Variants in ERBIN observed in about 807,000 individuals in gnomAD.
ERBIN encodes densin-180-like protein.
In ERBIN, 60 loss-of-function variants were observed where a neutral mutation model predicts 158.4. The ratio of observed to expected loss-of-function variants is 0.38; its 90% CI spans 0.31 to 0.47. The LOEUF (loss-of-function observed/expected upper bound fraction) is 0.47. Among genes scored for constraint, ERBIN ranks in the 20% least tolerant of loss-of-function variants. The pLI is 0.99. For missense variants in ERBIN, 1,610 were observed against 1,648.0 expected, an observed-to-expected ratio of 0.98 and a Z score of 0.40; for synonymous variants, 594 against 557.2, an observed-to-expected ratio of 1.07 and a Z score of -0.93.
chr5:66,049,634 G>A (rs1188972413), intron 19 of ERBIN, among the ~76,000 whole-genome samples: 2 of 152,076 alleles, frequency 1.3e-5, no homozygotes, highest in Non-Finnish European at 2.9e-5. Flanking sequence ...CAAAGTTAGA[G>A]TCCATTTGCT....
chr5:66,034,997 G>A (rs16894757), intron 14 of ERBIN, among the ~76,000 whole-genome samples: 4,657 of 152,224 alleles, frequency 0.031, 275 homozygotes, highest in Admixed American at 0.15. Context: ...TGATCAGCAA[G>A]TACTGTGAGT....
Position 66,078,570 on chromosome 5 carries a change from A to G in ERBIN, c.*40A>G. On this transcript the variant is annotated 3_prime_UTR_variant, in exon 26 of 26. Transcript: ENST00000284037. ...AAAAGCGGGGAAGACAGCAAGATTT[A>G]TTGGAAGATACTTACAGGGGAAATT... The G allele has an allele frequency of 8.6e-7, 1 of 1,161,184 alleles. No individual in the cohort carries two copies. The allele number at this position is 1,161,184 out of a possible 1,614,324, so 71.9% of individuals were successfully genotyped here.
At chr5:65,977,202 C>A (rs867627146) in intron 1 of ERBIN, among the ~76,000 whole-genome samples, 1 of 144,244 alleles carries the variant, frequency 6.9e-6, no homozygotes, top group Non-Finnish European at 1.5e-5. Context: ...GGGCTGACCC[C>A]CCCCCACCTC....
chr5:65,995,580 A>G (rs547797841), intron 4 of ERBIN, among the ~76,000 whole-genome samples: 2 of 152,182 alleles, frequency 1.3e-5, no homozygotes, highest in Non-Finnish European at 2.9e-5. Flanking sequence ...TAGTGCTGTA[A>G]TGAACATGGG....
intron 10 of ERBIN, chr5:66,025,267 A>G: frequency 1.9e-6 from 1 of 537,774 alleles, no homozygotes; most frequent in Non-Finnish European, 3.3e-6. Flanking sequence ...TAATAAACAA[A>G]TGTACACTAT....
At chr5:65,948,628 C>T (rs952104196) in intron 1 of ERBIN, among the ~76,000 whole-genome samples, 20 of 151,954 alleles carry the variant, frequency 1.3e-4, no homozygotes, top group Admixed American at 2.0e-4. Flanking sequence ...TAGACATAGC[C>T]ATTTATGGAA....
chr5:65,940,091 T>G (rs1744655140), intron 1 of ERBIN, among the ~76,000 whole-genome samples: 2 of 146,750 alleles, frequency 1.4e-5, no homozygotes, highest in African/African-American at 5.0e-5. Context: ...CCATCCCATC[T>G]AGGAAGTGAG....
At chr5:65,963,792 C>CTTT (rs5868429) in intron 1 of ERBIN, among the ~76,000 whole-genome samples, 3 of 122,974 alleles carry the variant, frequency 2.4e-5, no homozygotes, top group Non-Finnish European at 5.4e-5. Context: ...TCTTTCTTTT[C>CTTT]TTTTTTTTTT....
chr5:65,964,898 C>T (rs1748362864), intron 1 of ERBIN, among the ~76,000 whole-genome samples: 2 of 143,948 alleles, frequency 1.4e-5, no homozygotes, highest in Admixed American at 1.4e-4. Flanking sequence ...GGCCACCACG[C>T]CTGGCTGATT....
chr5:66,008,061 A>T (rs1341392496), intron 4 of ERBIN, among the ~76,000 whole-genome samples: 1 of 152,220 alleles, frequency 6.6e-6, no homozygotes, highest in Admixed American at 6.5e-5. Flanking sequence ...TTTCACAGGC[A>T]TTTGTGGAAT....
chr5:65,947,765 G>T (rs1745950612), intron 1 of ERBIN, among the ~76,000 whole-genome samples: 1 of 152,098 alleles, frequency 6.6e-6, no homozygotes, highest in Non-Finnish European at 1.5e-5. Flanking sequence ...CCAGCACTTT[G>T]GGAGGCCGAG....
At chr5:65,980,197 C>T (rs1314724407) in intron 1 of ERBIN, among the ~76,000 whole-genome samples, 2 of 152,172 alleles carry the variant, frequency 1.3e-5, no homozygotes, top group African/African-American at 2.4e-5. Context: ...AGGGGGATCA[C>T]TTGAGGTCAG....
rs779327946 is a variant in ERBIN at position 66,028,259 on chromosome 5, A to AT, written c.1137-8dup. ...ATTTTAAAGTTTAATTTTTGTTTGT[A>AT]TTTTTTTCCTACAGATTAAAGAATT... is the stretch of plus-strand genomic sequence containing the variant. On this transcript the variant is annotated splice_polypyrimidine_tract_variant and intron_variant, in intron 13 of 25. Coordinates refer to ENST00000284037, the MANE Select transcript of ERBIN (RefSeq NM_001253697.2). The AT allele has an allele frequency of 2.2e-5, 35 of 1,590,636 alleles. No homozygotes were observed. Among genetic ancestry groups the AT allele is most frequent in the Admixed American group, 1.5e-4 (9 of 58,310 alleles).
chr5:65,953,183 G>A (rs1746720636), intron 1 of ERBIN, among the ~76,000 whole-genome samples: 1 of 152,178 alleles, frequency 6.6e-6, no homozygotes, highest in Admixed American at 6.5e-5. Flanking sequence ...GACATCCCAA[G>A]CAACATGTTC....
intron 14 of ERBIN, among the ~76,000 whole-genome samples, chr5:66,029,166 T>G (rs1316495320): frequency 6.6e-6 from 1 of 152,216 alleles, no homozygotes; most frequent in East Asian, 1.9e-4. Flanking sequence ...TGGATATATA[T>G]CCAGTAGTGA....
At chr5:66,076,132 C>T (rs1382890492) in intron 23 of ERBIN, 184 bp from the exon 24 acceptor site, 8 of 569,512 alleles carry the variant, frequency 1.4e-5, no homozygotes, top group Non-Finnish European at 2.5e-5. Context: ...CTGCCTTTAA[C>T]TCACTAACTC....
At chr5:66,021,169 TA>T (rs33911008) in intron 7 of ERBIN, among the ~76,000 whole-genome samples, 152 bp from the exon 8 acceptor site, 111,432 of 151,856 alleles carry the variant, frequency 0.73, 42,651 homozygotes, top group Non-Finnish European at 0.86. Flanking sequence ...ATCTGACTTT[TA>T]AAATTTTTTA....
chr5:66,059,066 C>G (rs1355311176), intron 21 of ERBIN, among the ~76,000 whole-genome samples: 1 of 152,022 alleles, frequency 6.6e-6, no homozygotes, highest in Non-Finnish European at 1.5e-5. Flanking sequence ...TTTTCCAATT[C>G]TGTGAAGAGA....
chr5:66,059,905 A>C (rs2151261214), intron 21 of ERBIN, among the ~76,000 whole-genome samples: 1 of 152,296 alleles, frequency 6.6e-6, no homozygotes, highest in East Asian at 1.9e-4. Flanking sequence ...ATCATGGTGG[A>C]TAAGCTTTTT....
Sources: gnomAD v4.1 joint callset for allele counts (sites outside exome capture counted in the v4.1 genomes callset) on GRCh38, gnomAD v4.1.1 for gene constraint, MANE v1.5 for transcripts, NCBI Gene and HGNC (gene_info 2026-07-23, HGNC 2026-07-21) for gene names.